Variants in SPATA6 observed in about 807,000 individuals in gnomAD.
The protein encoded by SPATA6 is spermatogenesis associated 6, also known as spermatogenesis-associated protein 6.
Under a neutral mutation model 65.3 loss-of-function variants are expected in SPATA6, and 56 were observed. The ratio of observed to expected loss-of-function variants is 0.86; its 90% confidence interval spans 0.69 to 1.07. The LOEUF (loss-of-function observed/expected upper bound fraction) is 1.07, where lower values mean the gene tolerates loss of function less well. Ranked by LOEUF, SPATA6 falls within the 50% of genes least tolerant of loss-of-function variation. The probability of loss-of-function intolerance (pLI) is 0.00; values close to 1 mark genes in which losing one functional copy is unlikely to be tolerated. For missense variants in SPATA6, 590 were observed against 594.8 expected (o/e 0.99, Z 0.08); for synonymous variants, 199 against 213.2 (o/e 0.93, Z 0.58).
chr1:48,286,553 TAG>T, the SPATA6 span, among the ~76,000 whole-genome samples: 10 of 152,332 alleles, frequency 6.6e-5, no homozygotes, highest in East Asian at 5.8e-4. Context: ...AGCTTTTTTG[TAG>T]AGTCTTTAGG....
chr1:48,280,787 T>C, the SPATA6 span, among the ~76,000 whole-genome samples: 1 of 152,180 alleles, frequency 6.6e-6, no homozygotes, highest in South Asian at 2.1e-4. Flanking sequence ...CTTCTGAAAC[T>C]ATTCCAATCA....
chr1:48,449,158 T>C (rs1290928034), intron 3 of SPATA6, among the ~76,000 whole-genome samples: 1 of 152,144 alleles, frequency 6.6e-6, no homozygotes, highest in Non-Finnish European at 1.5e-5. Flanking sequence ...ATTTCTTCTA[T>C]AGAAAAATTC....
chr1:48,315,279 G>A (rs1020263828), intron 11 of SPATA6, among the ~76,000 whole-genome samples: 1 of 152,108 alleles, frequency 6.6e-6, no homozygotes, highest in Non-Finnish European at 1.5e-5. Context: ...GAACATAGAT[G>A]CAAAAATCCT....
rs1646811121 is a variant in SPATA6, at chr1:48,361,484, A to G, written c.910-1714T>C. On this transcript the variant is annotated intron_variant, in intron 9 of 12. Transcript: ENST00000371847. ...GTGAAAATCTGAAGTTGAATTCAAG[A>G]GAGAATAAGAGGAGAGGAATTGGAT... 2.0e-5 allele frequency among the ~76,000 whole-genome samples: 3 copies of G among 152,166 alleles called. No homozygotes were observed. The South Asian group carries it at 6.2e-4, about 32-fold the overall frequency.
At chr1:48,380,356 C>T (rs541695848) in intron 9 of SPATA6, among the ~76,000 whole-genome samples, 1 of 152,202 alleles carries the variant, frequency 6.6e-6, no homozygotes, top group Non-Finnish European at 1.5e-5. Flanking sequence ...AAAAATAATC[C>T]TGTGAACTTA....
At chr1:48,360,994 A>G (rs1343600173) in intron 9 of SPATA6, among the ~76,000 whole-genome samples, 3 of 152,214 alleles carry the variant, frequency 2.0e-5, no homozygotes, top group Admixed American at 6.5e-5. Context: ...TTAAGATATT[A>G]GGAGTCTAGT....
At chr1:48,464,102 A>G (rs1194870683) in intron 1 of SPATA6, among the ~76,000 whole-genome samples, 2 of 152,152 alleles carry the variant, frequency 1.3e-5, no homozygotes, top group African/African-American at 2.4e-5. Context: ...CCAATATTCT[A>G]TTAGGTTCAA....
intron 3 of SPATA6, chr1:48,436,756 G>A (rs1420457298): frequency 9.3e-6 from 15 of 1,614,184 alleles, no homozygotes; most frequent in Non-Finnish European, 1.2e-5. Context: ...ATTAGCCAGT[G>A]GGCAGGTGCC....
chr1:48,261,460 C>T, the SPATA6 span, among the ~76,000 whole-genome samples: 1 of 150,532 alleles, frequency 6.6e-6, no homozygotes, highest in South Asian at 2.1e-4. Flanking sequence ...CCTATTATGG[C>T]TAATAATTTT....
intron 11 of SPATA6, among the ~76,000 whole-genome samples, chr1:48,316,936 C>G (rs960403383): frequency 1.3e-5 from 2 of 152,184 alleles, no homozygotes; most frequent in Admixed American, 6.5e-5. Context: ...AAATGCTCAT[C>G]ATCACTGGCC....
At chr1:48,284,461 T>G in the SPATA6 span, among the ~76,000 whole-genome samples, 10 of 152,198 alleles carry the variant, frequency 6.6e-5, no homozygotes, top group African/African-American at 2.4e-4. Context: ...CCATCCAGTT[T>G]TGTTCCCTTG....
At chr1:48,367,796 A>T (rs1647076461) in intron 9 of SPATA6, among the ~76,000 whole-genome samples, 1 of 152,278 alleles carries the variant, frequency 6.6e-6, no homozygotes, top group South Asian at 2.1e-4. Flanking sequence ...GTCCATTTAC[A>T]TTTAAAGTTA....
In SPATA6 at chr1:48,305,784, T is replaced by C. The variant is rs766642343; in HGVS notation, c.1286+3A>G. 13 of 1,604,258 alleles carry C rather than the reference T, an allele frequency of 8.1e-6. No individual in the cohort carries two copies. In the East Asian group the frequency reaches 1.8e-4, roughly 22 times the overall value. The stretch of plus-strand genomic sequence containing the variant: ...GAAGGATATACATATATTTCATTCA[T>C]ACCTATACTCGGGGTCACTGTCATA... On this transcript the variant is annotated splice_donor_region_variant and intron_variant, in intron 12 of 12. Transcript: ENST00000371847.
intron 9 of SPATA6, among the ~76,000 whole-genome samples, chr1:48,374,100 C>T (rs1009669142): frequency 6.6e-6 from 1 of 152,154 alleles, no homozygotes; most frequent in Non-Finnish European, 1.5e-5. Flanking sequence ...TAAGAAATGT[C>T]TCTGCCACAT....
chr1:48,288,045 C>A, the SPATA6 span, among the ~76,000 whole-genome samples: 4 of 152,168 alleles, frequency 2.6e-5, no homozygotes, highest in African/African-American at 9.6e-5. Flanking sequence ...ACCTTTTCTG[C>A]ATATATTGAG....
intron 3 of SPATA6, among the ~76,000 whole-genome samples, chr1:48,414,238 G>A (rs1652549813): frequency 6.6e-6 from 1 of 152,130 alleles, no homozygotes; most frequent in Non-Finnish European, 1.5e-5. Context: ...GTTCTACTAG[G>A]TTCTCACTAT....
intron 3 of SPATA6, among the ~76,000 whole-genome samples, chr1:48,445,659 C>CAAAAAAAAAA (rs10632587): frequency 1.9e-5 from 1 of 51,288 alleles, no homozygotes; most frequent in African/African-American, 1.2e-4. Context: ...GACTCTGTCT[C>CAAAAAAAAAA]AAAAAAAAAA....
chr1:48,384,117 C>G (rs1040467723), intron 9 of SPATA6, among the ~76,000 whole-genome samples: 2 of 150,470 alleles, frequency 1.3e-5, no homozygotes, highest in Admixed American at 6.6e-5. Context: ...GCGGATCACT[C>G]GTGGCTAGGA....
intron 11 of SPATA6, among the ~76,000 whole-genome samples, chr1:48,323,945 T>C (rs1384821866): frequency 6.6e-6 from 1 of 152,142 alleles, no homozygotes; most frequent in Non-Finnish European, 1.5e-5. Context: ...TTTATTTTAT[T>C]ACTTTGTTGT....
Sources: gnomAD v4.1 joint callset for allele counts (sites outside exome capture counted in the v4.1 genomes callset) on GRCh38, gnomAD v4.1.1 for gene constraint, MANE v1.5 for transcripts, NCBI Gene and HGNC (gene_info 2026-07-23, HGNC 2026-07-21) for gene names.